The following UGT1A8 variants were observed in gnomAD, a reference collection of about 807,000 sequenced individuals.
UGT1A8 encodes the protein UDP glucuronosyltransferase family 1 member A8.
In UGT1A8, 39 loss-of-function variants were observed where a neutral mutation model predicts 45.3. That is an observed-to-expected ratio of 0.86 (90% CI 0.67 to 1.12). UGT1A8 has a LOEUF of 1.12. Ranked by LOEUF, UGT1A8 falls within the 50% of genes most tolerant of loss-of-function variation. UGT1A8 has a pLI of 0.00. For synonymous variants in UGT1A8, 275 were observed against 249.2 expected, an observed-to-expected ratio of 1.10 and a Z score of -0.97; for missense variants, 719 against 664.9, an observed-to-expected ratio of 1.08 and a Z score of -0.90.
intron 1 of UGT1A8, among the ~76,000 whole-genome samples, chr2:233,720,635 C>T (rs1197990739): frequency 6.6e-6 from 1 of 151,750 alleles, no homozygotes; most frequent in Non-Finnish European, 1.5e-5. Context: ...TGAAATAGTA[C>T]TCTGGGATGT....
intron 1 of UGT1A8, chr2:233,717,851 C>G (rs1207053038): frequency 2.2e-6 from 1 of 455,084 alleles, no homozygotes; most frequent in Non-Finnish European, 4.4e-6. Flanking sequence ...CTTATCAGAA[C>G]TTGGTGCTGG....
At chr2:233,760,872 G>A in intron 1 of UGT1A8, 1 of 1,614,112 alleles carries the variant, frequency 6.2e-7, no homozygotes, top group Non-Finnish European at 8.5e-7. Flanking sequence ...ACGTGCCCAG[G>A]CCTCTCTCCT....
chr2:233,709,107 T>G (rs899292294), intron 1 of UGT1A8, among the ~76,000 whole-genome samples: 1 of 152,146 alleles, frequency 6.6e-6, no homozygotes, highest in Non-Finnish European at 1.5e-5. Context: ...CATGCCCATC[T>G]CTGAACTAAT....
chr2:233,706,633 ACT>A (rs2075917088), intron 1 of UGT1A8, among the ~76,000 whole-genome samples: 1 of 152,298 alleles, frequency 6.6e-6, no homozygotes, highest in East Asian at 1.9e-4. Context: ...GAGTGTTTCT[ACT>A]GTGTCTGTGC....
At chr2:233,755,333 G>T (rs878855763) in intron 1 of UGT1A8, 4 of 455,148 alleles carry the variant, frequency 8.8e-6, no homozygotes, top group Admixed American at 7.1e-5. Context: ...CAGCACCCGC[G>T]CACAGGTCAG....
chr2:233,721,049 T>C (rs1041518517), intron 1 of UGT1A8, among the ~76,000 whole-genome samples: 1 of 152,122 alleles, frequency 6.6e-6, no homozygotes, highest in Non-Finnish European at 1.5e-5. Context: ...GAGCCCTTTT[T>C]TGTCATATTC....
At chr2:233,746,507 C>T (rs1477077635) in intron 1 of UGT1A8, among the ~76,000 whole-genome samples, 1 of 151,718 alleles carries the variant, frequency 6.6e-6, no homozygotes, top group Non-Finnish European at 1.5e-5. Context: ...TTAGTAGCCC[C>T]CAAAGCAAGA....
Position 233,729,503 on chromosome 2 carries a change from G to A in UGT1A8, c.856-37531G>A, listed in dbSNP as rs1346769357. 1.4e-5 allele frequency: 22 copies of A among 1,614,052 alleles called. No individual in the cohort carries two copies. Among genetic ancestry groups the A allele is most frequent in the Non-Finnish European group, 1.8e-5 (21 of 1,180,050 alleles). Reference sequence around the variant, plus strand: ...AACAATATGTCTTTGGTCTATCATAGGTCTTGTGTGGAGCTACTACATAAT... The same window carrying A: ...AACAATATGTCTTTGGTCTATCATAAGTCTTGTGTGGAGCTACTACATAAT... On this transcript the variant is annotated intron_variant, in intron 1 of 4. Coordinates refer to ENST00000373450, the MANE Select transcript of UGT1A8 (RefSeq NM_019076.5).
chr2:233,643,019 G>T (rs2073496059), intron 1 of UGT1A8, among the ~76,000 whole-genome samples: 1 of 152,124 alleles, frequency 6.6e-6, no homozygotes, highest in Non-Finnish European at 1.5e-5. Context: ...CACAGCTCTG[G>T]GTCTCACCCA....
chr2:233,732,853 A>T (rs1238557082), intron 1 of UGT1A8, among the ~76,000 whole-genome samples: 1 of 149,098 alleles, frequency 6.7e-6, no homozygotes, highest in Admixed American at 6.8e-5. Flanking sequence ...TTGTGAAGTC[A>T]TTGGTAGCTT....
chr2:233,668,576 T>A (rs2074122927), intron 1 of UGT1A8, among the ~76,000 whole-genome samples: 1 of 152,216 alleles, frequency 6.6e-6, no homozygotes, highest in South Asian at 2.1e-4. Context: ...TACCCAGTAA[T>A]GGGATGGCTG....
chr2:233,673,421 G>A (rs1473505545), intron 1 of UGT1A8, among the ~76,000 whole-genome samples: 1 of 152,032 alleles, frequency 6.6e-6, no homozygotes, highest in African/African-American at 2.4e-5. Flanking sequence ...TTGTCTTTAT[G>A]AATAGGGCCG....
intron 1 of UGT1A8, among the ~76,000 whole-genome samples, chr2:233,640,954 A>C (rs1199608435): frequency 6.6e-6 from 1 of 152,202 alleles, no homozygotes; most frequent in Non-Finnish European, 1.5e-5. Flanking sequence ...CCCTTTCTTC[A>C]TGGTCTAGGA....
At chr2:233,662,294 C>T (rs1396033256) in intron 1 of UGT1A8, among the ~76,000 whole-genome samples, 3 of 152,058 alleles carry the variant, frequency 2.0e-5, no homozygotes, top group Non-Finnish European at 2.9e-5. Flanking sequence ...CTGACATACT[C>T]AAGTTTTTCT....
chr2:233,700,505 G>C (rs2075568834), intron 1 of UGT1A8, among the ~76,000 whole-genome samples: 1 of 152,100 alleles, frequency 6.6e-6, no homozygotes, highest in Non-Finnish European at 1.5e-5. Flanking sequence ...CTAGAAACTT[G>C]ACTGTCTAGT....
intron 1 of UGT1A8, chr2:233,648,457 T>A (rs1322647760): frequency 1.9e-5 from 3 of 157,120 alleles, no homozygotes; most frequent in African/African-American, 4.8e-5. Context: ...TTATTATTAT[T>A]TTTATTTATT....
chr2:233,769,513 C>T lies in UGT1A8; in HGVS notation c.1295+1074C>T, dbSNP rs1575843812. ...TATGAGAGTGTCCATTGCTTTCTCC[C>T]ATGGTTACCTCCTTTAGAAAGAAGC... On this transcript the variant is annotated intron_variant, in intron 4 of 4. Coordinates refer to ENST00000373450, the MANE Select transcript of UGT1A8 (RefSeq NM_019076.5). This position sits in a 1 kb window ranked among gnomAD's most constrained non-coding sequence, Gnocchi z 4.4. 6.2e-7 allele frequency: 1 copy of T among 1,612,680 alleles called. No homozygotes were observed. The highest frequency in any genetic ancestry group is 8.5e-7 in the Non-Finnish European group (1 of 1,179,866).
intron 1 of UGT1A8, chr2:233,719,097 A>G (rs780928839): frequency 1.2e-6 from 2 of 1,614,264 alleles, no homozygotes; most frequent in Non-Finnish European, 1.7e-6. Context: ...TGATCGCGTT[A>G]CGCTGGGCTA....
At position 233,677,360 on chromosome 2, in the gene UGT1A8, G is replaced by A. The variant is rs149662759; in HGVS notation, c.855+58798G>A. On this transcript the variant is annotated intron_variant, in intron 1 of 4. Coordinates refer to ENST00000373450, the MANE Select transcript of UGT1A8 (RefSeq NM_019076.5). ...GACCCCTGAACAATGTGGGAATGAAGGGGACCAACCCGTGTGTAGTAGAAA... is the reference window on the plus strand; with the variant it reads ...GACCCCTGAACAATGTGGGAATGAAAGGGACCAACCCGTGTGTAGTAGAAA... Among the ~76,000 whole-genome samples the A allele has an allele frequency of 2.6e-5, 4 of 152,236 alleles. No homozygotes were observed. In the East Asian group the frequency reaches 7.7e-4, roughly 29 times the overall value.
Sources: gnomAD v4.1 joint callset for allele counts (sites outside exome capture counted in the v4.1 genomes callset) on GRCh38, gnomAD v4.1.1 for gene constraint, Gnocchi (gnomAD v3.1) non-coding constraint, MANE v1.5 for transcripts, NCBI Gene and HGNC (gene_info 2026-07-23, HGNC 2026-07-21) for gene names.